The following CADM1 variants were observed in gnomAD, a reference collection of about 807,000 sequenced individuals.
The protein encoded by CADM1 is cell adhesion molecule 1, also known as TSLC-1.
CADM1 carries 15 observed loss-of-function variants against 53.1 expected under a neutral mutation model. The ratio of observed to expected loss-of-function variants is 0.28; its 90% CI spans 0.19 to 0.44. The LOEUF is 0.44. Among genes scored for constraint, CADM1 ranks in the 20% least tolerant of loss-of-function variants. The probability of loss-of-function intolerance (pLI) is 1.00; values close to 1 mark genes in which losing one functional copy is unlikely to be tolerated. For synonymous variants in CADM1, 281 were observed against 243.0 expected, an observed-to-expected ratio of 1.16 and a Z score of -1.45; for missense variants, 434 against 611.3, an observed-to-expected ratio of 0.71 and a Z score of 3.06.
At chr11:115,499,944 A>AGTATGTATAT (rs1308080390) in intron 1 of CADM1, among the ~76,000 whole-genome samples, 2 of 152,184 alleles carry the variant, frequency 1.3e-5, no homozygotes, top group African/African-American at 4.8e-5. Flanking sequence ...TGTATATATA[A>AGTATGTATAT]GTATGTATAT....
At chr11:115,380,410 T>G (rs899405870) in intron 1 of CADM1, among the ~76,000 whole-genome samples, 1 of 152,130 alleles carries the variant, frequency 6.6e-6, no homozygotes, top group Non-Finnish European at 1.5e-5. Flanking sequence ...GTGTACGTGA[T>G]CCCATTAAAC....
At chr11:115,434,284 A>G (rs1035854492) in intron 1 of CADM1, among the ~76,000 whole-genome samples, 5 of 152,244 alleles carry the variant, frequency 3.3e-5, no homozygotes, top group Non-Finnish European at 7.3e-5. Context: ...TGAAACTCTA[A>G]CGAAGGTATC....
At chr11:115,419,802 A>G (rs946185447) in intron 1 of CADM1, among the ~76,000 whole-genome samples, 1 of 152,166 alleles carries the variant, frequency 6.6e-6, no homozygotes, top group African/African-American at 2.4e-5. Flanking sequence ...GAAGTGGCTG[A>G]TGTCCAAACC....
At chr11:115,302,441 A>T (rs1282924278) in intron 1 of CADM1, among the ~76,000 whole-genome samples, 1 of 152,076 alleles carries the variant, frequency 6.6e-6, no homozygotes, top group Admixed American at 6.6e-5. Context: ...AAGAAACTTG[A>T]TGGGAGTTTT....
At chr11:115,340,037 C>A (rs186840768) in intron 1 of CADM1, 7 of 152,284 alleles carry the variant, frequency 4.6e-5, no homozygotes, top group African/African-American at 1.7e-4. Flanking sequence ...CTCTACCATG[C>A]CAGACCAGGC....
chr11:115,228,817 C>G (rs1013895563), intron 5 of CADM1, among the ~76,000 whole-genome samples: 1 of 152,112 alleles, frequency 6.6e-6, no homozygotes, highest in Non-Finnish European at 1.5e-5. Context: ...CTAGATTTTG[C>G]AGTTGGCATA....
chr11:115,399,795 T>C (rs1947091477), intron 1 of CADM1, among the ~76,000 whole-genome samples: 1 of 115,152 alleles, frequency 8.7e-6, no homozygotes, highest in East Asian at 2.6e-4. Context: ...ATGTATCTTC[T>C]CTCCAGAAAA....
chr11:115,331,108 G>T (rs1360168192), intron 1 of CADM1, among the ~76,000 whole-genome samples: 1 of 152,106 alleles, frequency 6.6e-6, no homozygotes, highest in African/African-American at 2.4e-5. Flanking sequence ...CCAGAAACTA[G>T]AATGGGCTCA....
At chr11:115,184,673 C>T (rs1202146822) in intron 10 of CADM1, among the ~76,000 whole-genome samples, 1 of 152,342 alleles carries the variant, frequency 6.6e-6, no homozygotes, top group Non-Finnish European at 1.5e-5. Flanking sequence ...TACTACTACA[C>T]GTCAGCTGCA....
intron 1 of CADM1, among the ~76,000 whole-genome samples, chr11:115,378,481 C>A (rs1404990725): frequency 1.3e-5 from 2 of 152,004 alleles, no homozygotes; most frequent in Admixed American, 6.5e-5. Flanking sequence ...GGATACAGAG[C>A]AAACCATCAA....
chr11:115,223,318 G>T (rs1941474771), intron 5 of CADM1, among the ~76,000 whole-genome samples: 1 of 152,106 alleles, frequency 6.6e-6, no homozygotes, highest in Admixed American at 6.6e-5. Flanking sequence ...TCTCTAAGTG[G>T]TGTCTTACAG....
chr11:115,458,527 A>G (rs917938974), intron 1 of CADM1, among the ~76,000 whole-genome samples: 6 of 146,618 alleles, frequency 4.1e-5, no homozygotes, highest in African/African-American at 1.5e-4. Context: ...TATTATTATT[A>G]TTATTACATT....
At chr11:115,402,702 ATT>A (rs112720786) in intron 1 of CADM1, among the ~76,000 whole-genome samples, 47 of 150,214 alleles carry the variant, frequency 3.1e-4, no homozygotes, top group Non-Finnish European at 6.5e-4. Context: ...GAGACATAAC[ATT>A]TTTTTTTTCA....
chr11:115,197,634 G>T (rs2134674766), intron 9 of CADM1, among the ~76,000 whole-genome samples: 1 of 152,236 alleles, frequency 6.6e-6, no homozygotes, highest in African/African-American at 2.4e-5. Context: ...CCCCTCCTGA[G>T]CTTTGACTCA....
At chr11:115,467,415 A>G (rs1948920344) in intron 1 of CADM1, among the ~76,000 whole-genome samples, 1 of 152,238 alleles carries the variant, frequency 6.6e-6, no homozygotes, top group South Asian at 2.1e-4. Context: ...AAGAGCTATG[A>G]TCCCAAAATG....
In CADM1 at chr11:115,176,552, T is replaced by C. The variant is rs1591574700; in HGVS notation, c.1338A>G (p.Ala446=). The C allele has an allele frequency of 1.2e-6, 2 of 1,614,156 alleles. No homozygotes were observed. Among genetic ancestry groups the C allele is most frequent in the Non-Finnish European group, 1.7e-6 (2 of 1,179,992 alleles). ...FTHEAKGADD[A]ADADTAIINA... is the part of the protein sequence containing the mutation. ...TGATTATAGCTGTGTCTGCGTCTGC[T>C]GCGTCATCGGCTCCTTTGGCTTCAT... Residue 446 remains alanine, a synonymous_variant, in exon 12 of 12, where the codon GCA becomes GCG. Transcript: ENST00000331581.
intron 1 of CADM1, among the ~76,000 whole-genome samples, chr11:115,391,014 T>G (rs1279335760): frequency 1.3e-5 from 2 of 152,226 alleles, no homozygotes; most frequent in East Asian, 3.8e-4. Flanking sequence ...ATTTAATGAC[T>G]GCCGATAGCA....
At chr11:115,420,723 C>T (rs1947732807) in intron 1 of CADM1, among the ~76,000 whole-genome samples, 1 of 152,158 alleles carries the variant, frequency 6.6e-6, no homozygotes, top group African/African-American at 2.4e-5. Flanking sequence ...GAATTATTTA[C>T]ATTTGAGCTG....
At chr11:115,220,630 A>G (rs1199081914) in intron 5 of CADM1, among the ~76,000 whole-genome samples, 2 of 152,300 alleles carry the variant, frequency 1.3e-5, no homozygotes, top group South Asian at 2.1e-4. Flanking sequence ...TGCAGTATTT[A>G]TAGGCATATT....
Sources: gnomAD v4.1 joint callset for allele counts (sites outside exome capture counted in the v4.1 genomes callset) on GRCh38, gnomAD v4.1.1 for gene constraint, MANE v1.5 for transcripts, NCBI Gene and HGNC (gene_info 2026-07-23, HGNC 2026-07-21) for gene names.